The following ALAS1 variants were observed in gnomAD, a reference collection of about 807,000 sequenced individuals.
ALAS1 encodes the protein 5-aminolevulinate synthase, non-specific, mitochondrial.
Under a neutral mutation model 59.6 loss-of-function variants are expected in ALAS1, and 29 were observed. That is an observed-to-expected ratio of 0.49 (90% CI 0.36 to 0.66). The LOEUF (loss-of-function observed/expected upper bound fraction) is 0.66. ALAS1 is among the 30% of genes least tolerant of loss of function. The pLI is 0.00. For synonymous variants in ALAS1, 299 were observed against 296.6 expected, an observed-to-expected ratio of 1.01 and a Z score of -0.08; for missense variants, 690 against 807.5, an observed-to-expected ratio of 0.85 and a Z score of 1.76.
intron 8 of ALAS1, 65 bp from the exon 9 acceptor site, chr3:52,208,018 C>G (rs189036737): frequency 2.8e-6 from 4 of 1,453,674 alleles, no homozygotes; most frequent in Non-Finnish European, 3.6e-6. Flanking sequence ...TGTTCTGACT[C>G]TAACCAAAAC....
rs780866321 is a variant in ALAS1, at chr3:52,198,823, A to AT, written c.-57dup. On this transcript the variant is annotated 5_prime_UTR_variant, in exon 2 of 12. It removes an upstream start codon present in the reference 5' UTR. Transcript: ENST00000484952. ...CTAAGAGTCTTCCCTGCCTGGATGG[A>AT]TGAGTGGCTTCTTCTCCACCTAGAT... 25 of 1,535,540 alleles carry AT rather than the reference A, an allele frequency of 1.6e-5. No homozygotes were observed. Among genetic ancestry groups the AT allele is most frequent in the Non-Finnish European group, 1.0e-5 (12 of 1,146,908 alleles).
At position 52,208,224 on chromosome 3, in the gene ALAS1, T is replaced by C. The variant is rs1269935764; in HGVS notation, c.1307T>C (p.Met436Thr). The C allele has an allele frequency of 5.0e-6, 8 of 1,614,028 alleles. No homozygotes were observed. Among genetic ancestry groups the C allele is most frequent in the Non-Finnish European group, 6.8e-6 (8 of 1,180,026 alleles). The change falls in exon 9 of 12, where the codon ATG (methionine) becomes ACG (threonine). Residue 436 changes from methionine to threonine, a missense_variant. By Grantham distance (81) the Met-to-Thr change is moderately conservative (BLOSUM62 -1). Coordinates refer to ENST00000484952, the MANE Select transcript of ALAS1 (RefSeq NM_000688.6). ...GATCGGGATGGAGTCATGCCAAAAATGGACATCATTTCTGGAACACTTGGT... is the reference window on the plus strand; with the variant it reads ...GATCGGGATGGAGTCATGCCAAAAACGGACATCATTTCTGGAACACTTGGT... ...IGDRDGVMPKMDIISGTLGKA... is the reference protein window; with the variant it reads ...IGDRDGVMPKTDIISGTLGKA...
chr3:52,209,438 A>G (rs1446341489), intron 9 of ALAS1, among the ~76,000 whole-genome samples: 2 of 151,894 alleles, frequency 1.3e-5, no homozygotes, highest in Non-Finnish European at 2.9e-5. Flanking sequence ...CAATCTCCTG[A>G]CCACGTGATC....
rs764391725 is a variant in ALAS1, at chr3:52,209,397, C to T, written c.1330+1150C>T. On this transcript the variant is annotated intron_variant, in intron 9 of 11. Coordinates refer to ENST00000484952, the MANE Select transcript of ALAS1 (RefSeq NM_000688.6). ...TAATTTTTTGTATTTGTAGTAGAGA[C>T]GGGGTTTCACCGTGTTAGCCAGAAT... 4.6e-5 allele frequency among the ~76,000 whole-genome samples: 7 copies of T among 152,140 alleles called. No individual in the cohort carries two copies. The South Asian group carries it at 6.2e-4, about 14-fold the overall frequency.
chr3:52,205,264 C>T (rs1468123712), intron 6 of ALAS1, among the ~76,000 whole-genome samples: 6 of 152,138 alleles, frequency 3.9e-5, no homozygotes, highest in Non-Finnish European at 7.4e-5. Context: ...ACGAATCTAG[C>T]AGCGCTAGAG....
intron 8 of ALAS1, 89 bp from the exon 9 acceptor site, chr3:52,207,994 A>G: frequency 7.7e-7 from 1 of 1,295,002 alleles, no homozygotes; most frequent in Non-Finnish European, 1.0e-6. Flanking sequence ...ATACCTTAGA[A>G]TAGAAGTTTA....
At chr3:52,206,050 C>G in intron 7 of ALAS1, 27 bp downstream of exon 7, 1 of 1,558,614 alleles carries the variant, frequency 6.4e-7, no homozygotes, top group Non-Finnish European at 8.7e-7. Flanking sequence ...TGAGTGCCTT[C>G]GAGTTTTTTG....
chr3:52,202,824 G>A (rs1699215868), intron 4 of ALAS1, 90 bp downstream of exon 4: 1 of 1,258,856 alleles, frequency 7.9e-7, no homozygotes, highest in Non-Finnish European at 1.1e-6. Flanking sequence ...CTATTATTAG[G>A]GCAGTATTTA....
At chr3:52,208,828 A>G (rs966572638) in intron 9 of ALAS1, among the ~76,000 whole-genome samples, 2 of 152,216 alleles carry the variant, frequency 1.3e-5, no homozygotes, top group African/African-American at 2.4e-5. Flanking sequence ...AAACAATAGG[A>G]CCTAAATCAA....
At chr3:52,207,710 C>G (rs957285026) in intron 8 of ALAS1, among the ~76,000 whole-genome samples, 2 of 152,136 alleles carry the variant, frequency 1.3e-5, no homozygotes, top group Non-Finnish European at 2.9e-5. Flanking sequence ...GTTTAGCTCC[C>G]ACTTATAAGT....
chr3:52,198,309 T>G (rs1431158789), intron 1 of ALAS1, 54 bp downstream of exon 1: 1 of 406,248 alleles, frequency 2.5e-6, no homozygotes, highest in South Asian at 1.0e-4. Context: ...CGGGGTGTCC[T>G]GCCAGCCGTG....
At chr3:52,199,527 T>C in intron 3 of ALAS1, 87 bp downstream of exon 3, 2 of 1,227,672 alleles carry the variant, frequency 1.6e-6, no homozygotes, top group Non-Finnish European at 2.3e-6. Flanking sequence ...GTGGTGAGGG[T>C]CACACTCACT....
chr3:52,199,416 A>T lies in ALAS1; in HGVS notation c.175A>T (p.Lys59Ter). ...STAAVHYQQI[K>*]ETPPASEKDK... ...TGCAGCAGTACACTACCAACAGATC[A>T]AAGAAACCCCTCCGGCCAGTGAGAG... Residue 59 changes from lysine to a stop codon, truncating the protein, a stop_gained, in exon 3 of 12, where the codon AAA becomes TAA. Coordinates refer to ENST00000484952, the MANE Select transcript of ALAS1 (RefSeq NM_000688.6). LOFTEE classifies it high-confidence loss of function. 6.2e-7 allele frequency: 1 copy of T among 1,614,130 alleles called. No individual in the cohort carries two copies. Among genetic ancestry groups the T allele is most frequent in the Non-Finnish European group, 8.5e-7 (1 of 1,179,994 alleles).
At chr3:52,212,002 C>T (rs542049947) in intron 10 of ALAS1, among the ~76,000 whole-genome samples, 46 of 152,312 alleles carry the variant, frequency 3.0e-4, no homozygotes, top group South Asian at 4.1e-4. Flanking sequence ...TCTGCTGGTA[C>T]GAACAGAACC....
chr3:52,206,050 C>T lies in ALAS1; in HGVS notation c.985+27C>T, dbSNP rs181915759. The T allele has an allele frequency of 1.9e-4, 297 of 1,558,614 alleles. No individual in the cohort carries two copies. In the African/African-American group the frequency reaches 3.4e-3, roughly 18 times the overall value. On this transcript the variant is annotated intron_variant, in intron 7 of 11. Coordinates refer to ENST00000484952, the MANE Select transcript of ALAS1 (RefSeq NM_000688.6). Reference sequence around the variant, plus strand: ...TAAGGAAGCCTGGCATGAGTGCCTTCGAGTTTTTTGGGTTTCTTAGTAATA... The same window carrying T: ...TAAGGAAGCCTGGCATGAGTGCCTTTGAGTTTTTTGGGTTTCTTAGTAATA...
At chr3:52,211,603 ATG>A in intron 10 of ALAS1, 52 bp downstream of exon 10, 1 of 1,595,016 alleles carries the variant, frequency 6.3e-7, no homozygotes, top group African/African-American at 1.3e-5. Flanking sequence ...TCTACACATG[ATG>A]TACGGATGTT....
intron 11 of ALAS1, among the ~76,000 whole-genome samples, chr3:52,212,750 C>G (rs936919996): frequency 1.9e-4 from 29 of 152,082 alleles, no homozygotes; most frequent in Admixed American, 1.7e-3. Flanking sequence ...AGGCTGGTCT[C>G]GAACTCCCGA....
chr3:52,198,647 C>T, intron 1 of ALAS1, 25 bp from the exon 2 acceptor site: 1 of 697,112 alleles, frequency 1.4e-6, no homozygotes, highest in East Asian at 2.7e-5. Context: ...TACCCCTACC[C>T]TCATTTGTGC....
At chr3:52,201,522 C>T (rs1232083234) in intron 3 of ALAS1, among the ~76,000 whole-genome samples, 3 of 152,000 alleles carry the variant, frequency 2.0e-5, no homozygotes, top group African/African-American at 2.4e-5. Context: ...GAGGCTGAGG[C>T]GGGAGGACTG....
Sources: gnomAD v4.1 joint callset for allele counts (sites outside exome capture counted in the v4.1 genomes callset) on GRCh38, gnomAD v4.1.1 for gene constraint, MANE v1.5 for transcripts, NCBI Gene and HGNC (gene_info 2026-07-23, HGNC 2026-07-21) for gene names.